MED13L: variants seen among roughly 807,000 people sequenced by gnomAD.
MED13L encodes mediator of RNA polymerase II transcription subunit 13-like.
Under a neutral mutation model 220.9 loss-of-function variants are expected in MED13L, and 7 were observed. The ratio of observed to expected loss-of-function variants is 0.03; its 90% CI spans 0.02 to 0.06. The LOEUF (loss-of-function observed/expected upper bound fraction) is 0.06, where lower values mean the gene tolerates loss of function less well. Among genes scored for constraint, MED13L ranks in the 10% least tolerant of loss-of-function variants. MED13L has a pLI of 1.00. For missense variants in MED13L, 1,965 were observed against 2,760.5 expected (o/e 0.71, Z 6.46); for synonymous variants, 1,011 against 1,015.2 (o/e 1.00, Z 0.08).
chr12:116,193,743 A>C (rs931358992), intron 2 of MED13L, among the ~76,000 whole-genome samples: 3 of 152,224 alleles, frequency 2.0e-5, no homozygotes, highest in African/African-American at 4.8e-5. Context: ...AATGAAAACC[A>C]CATATCTGCT....
At chr12:115,998,663 A>G (rs917066851) in intron 14 of MED13L, among the ~76,000 whole-genome samples, 11 of 152,242 alleles carry the variant, frequency 7.2e-5, no homozygotes, top group African/African-American at 2.7e-4. Context: ...GAACTTCTGA[A>G]TTACATAATC....
intron 2 of MED13L, among the ~76,000 whole-genome samples, chr12:116,209,601 T>A (rs1307016665): frequency 4.6e-5 from 7 of 152,206 alleles, no homozygotes. Flanking sequence ...CTAACCCATC[T>A]GTCCTCTTCT....
intron 17 of MED13L, among the ~76,000 whole-genome samples, chr12:115,988,949 C>G (rs938448073): frequency 7.9e-5 from 12 of 152,154 alleles, no homozygotes; most frequent in African/African-American, 2.9e-4. Flanking sequence ...GATTAAGGGT[C>G]TGCTTAAGTA....
chr12:116,272,150 C>G (rs1298565983), intron 1 of MED13L, among the ~76,000 whole-genome samples: 7 of 152,024 alleles, frequency 4.6e-5, no homozygotes, highest in African/African-American at 1.7e-4. Context: ...TGAGTTTCAT[C>G]TCAATTTTAA....
chr12:116,212,982 A>G (rs1037850013), intron 2 of MED13L, among the ~76,000 whole-genome samples: 5 of 152,208 alleles, frequency 3.3e-5, no homozygotes, highest in African/African-American at 1.2e-4. Flanking sequence ...TCAGATGGCT[A>G]GCCTAAAAAG....
At chr12:116,092,245 T>G (rs1393472269) in intron 4 of MED13L, among the ~76,000 whole-genome samples, 2 of 152,200 alleles carry the variant, frequency 1.3e-5, no homozygotes, top group African/African-American at 4.8e-5. Context: ...AAAAGAGGCT[T>G]GCTTTACCGT....
chr12:116,033,762 G>T (rs1448514407), intron 4 of MED13L, among the ~76,000 whole-genome samples: 1 of 152,016 alleles, frequency 6.6e-6, no homozygotes, highest in Admixed American at 6.6e-5. Context: ...GTGTGTGTGT[G>T]TATGTGTGTA....
chr12:116,145,949 C>A (rs899980247), intron 2 of MED13L, among the ~76,000 whole-genome samples: 1 of 152,064 alleles, frequency 6.6e-6, no homozygotes, highest in South Asian at 2.1e-4. Context: ...AAACCAAATT[C>A]TTTTCTATTT....
intron 2 of MED13L, among the ~76,000 whole-genome samples, chr12:116,199,161 C>G (rs1394428472): frequency 5.3e-5 from 8 of 152,184 alleles, no homozygotes. Context: ...CCTTTCCATT[C>G]TGGTCCCATT....
At chr12:116,171,056 C>T (rs772968696) in intron 2 of MED13L, among the ~76,000 whole-genome samples, 1 of 152,222 alleles carries the variant, frequency 6.6e-6, no homozygotes, top group Non-Finnish European at 1.5e-5. Context: ...ATCATCAGTA[C>T]AAATGTCAAC....
At chr12:116,102,727 T>C (rs1259494549) in intron 3 of MED13L, among the ~76,000 whole-genome samples, 3 of 130,638 alleles carry the variant, frequency 2.3e-5, no homozygotes, top group East Asian at 2.3e-4. Flanking sequence ...TTTTTTTTTT[T>C]TTTTTTTTTT....
intron 2 of MED13L, among the ~76,000 whole-genome samples, chr12:116,156,156 T>C (rs1878408528): frequency 2.0e-5 from 3 of 152,090 alleles, no homozygotes. Context: ...AAGCTTATAA[T>C]AATTATTAGC....
chr12:116,006,106 G>T, intron 12 of MED13L, 113 bp from the exon 13 acceptor site: 1 of 1,475,578 alleles, frequency 6.8e-7, no homozygotes, highest in Non-Finnish European at 9.3e-7. Context: ...TTTCCCTATG[G>T]TTTTAGTTAA....
chr12:116,118,293 C>T (rs1410848017), intron 2 of MED13L, among the ~76,000 whole-genome samples: 1 of 151,812 alleles, frequency 6.6e-6, no homozygotes, highest in Non-Finnish European at 1.5e-5. Flanking sequence ...AAGCCCTTGT[C>T]TAAGGAAAGT....
intron 3 of MED13L, among the ~76,000 whole-genome samples, chr12:116,098,760 A>G (rs1294948035): frequency 6.6e-6 from 1 of 152,116 alleles, no homozygotes; most frequent in African/African-American, 2.4e-5. Context: ...CTCTTTTCCT[A>G]AGCTTATAAG....
intron 2 of MED13L, among the ~76,000 whole-genome samples, chr12:116,115,444 T>C (rs1171384292): frequency 1.3e-5 from 2 of 152,068 alleles, no homozygotes; most frequent in Non-Finnish European, 2.9e-5. Context: ...AGGCAAAGAT[T>C]TCTTAGATAT....
chr12:115,966,974 C>G (rs1876209466), intron 28 of MED13L, among the ~76,000 whole-genome samples: 1 of 151,884 alleles, frequency 6.6e-6, no homozygotes, highest in Non-Finnish European at 1.5e-5. Context: ...AATTTCGAGA[C>G]CTGCCTGGCG....
At position 115,966,014 on chromosome 12, in the gene MED13L, TA is replaced by T. The variant is rs1876132975; in HGVS notation, c.6387+67del. On this transcript the variant is annotated intron_variant, in intron 29 of 30. Coordinates refer to ENST00000281928, the MANE Select transcript of MED13L (RefSeq NM_015335.5). ...TTATGGTGACTAAAACTGAAATTTC[TA>T]ACCAAAATTAAATTTAAGCGTAAAT... is the stretch of plus-strand genomic sequence containing the variant. 23 of 1,571,396 alleles carry T rather than the reference TA, an allele frequency of 1.5e-5. No individual in the cohort carries two copies. The South Asian group carries it at 2.6e-4, about 17-fold the overall frequency.
At chr12:115,990,107 A>C (rs1877959029) in intron 17 of MED13L, among the ~76,000 whole-genome samples, 1 of 152,152 alleles carries the variant, frequency 6.6e-6, no homozygotes, top group Non-Finnish European at 1.5e-5. Flanking sequence ...AAAGGCCCCA[A>C]GCTCCATACA....
Sources: gnomAD v4.1 joint callset for allele counts (sites outside exome capture counted in the v4.1 genomes callset) on GRCh38, gnomAD v4.1.1 for gene constraint, MANE v1.5 for transcripts, NCBI Gene and HGNC (gene_info 2026-07-23, HGNC 2026-07-21) for gene names.